The following PIGP variants were observed in gnomAD, a reference collection of about 807,000 sequenced individuals.
PIGP encodes phosphatidylinositol glycan anchor biosynthesis class P, also known as phosphatidylinositol N-acetylglucosaminyltransferase subunit P.
In PIGP, 12 loss-of-function variants were observed where a neutral mutation model predicts 16.9. That is an observed-to-expected ratio of 0.71 (90% CI 0.46 to 1.15). PIGP has a LOEUF of 1.15. PIGP is among the 50% of genes most tolerant of loss of function. The pLI is 0.00. For synonymous variants in PIGP, 57 were observed against 54.7 expected (o/e 1.04, Z -0.18); for missense variants, 159 against 153.5 (o/e 1.04, Z -0.19).
At chr21:37,065,803 G>A in intron 4 of PIGP, 91 bp from the exon 5 acceptor site, 1 of 1,068,478 alleles carries the variant, frequency 9.4e-7, no homozygotes, top group Non-Finnish European at 1.4e-6. Context: ...AGTTTACTAG[G>A]CTGACGTTTG....
In PIGP at chr21:37,065,578, C is replaced by G. The variant is rs2069886925; in HGVS notation, c.*4G>C. 1.2e-6 allele frequency: 2 copies of G among 1,612,090 alleles called. No individual in the cohort carries two copies. The highest frequency in any genetic ancestry group is 2.2e-5 in the East Asian group (1 of 44,698). On this transcript the variant is annotated 3_prime_UTR_variant, in exon 5 of 5. Coordinates refer to ENST00000360525, the MANE Select transcript of PIGP (RefSeq NM_153682.3). ...TGCTTGGTGTTACTATGGTTACACA[C>G]AGTTCAGTTTTTGGTGTAAAGTTCT...
intron 4 of PIGP, among the ~76,000 whole-genome samples, chr21:37,066,897 T>A (rs2069912356): frequency 1.3e-5 from 2 of 152,222 alleles, no homozygotes; most frequent in African/African-American, 4.8e-5. Flanking sequence ...TCATCAGAAC[T>A]TAATTCCTTC....
intron 2 of PIGP, among the ~76,000 whole-genome samples, chr21:37,071,412 G>A (rs759392191): frequency 1.4e-4 from 22 of 152,226 alleles, no homozygotes; most frequent in Middle Eastern, 6.8e-3. Context: ...TGTTTCATGC[G>A]TCATAAGCAT....
At chr21:37,066,359 T>C (rs574994011) in intron 4 of PIGP, among the ~76,000 whole-genome samples, 1 of 152,306 alleles carries the variant, frequency 6.6e-6, no homozygotes, top group African/African-American at 2.4e-5. Flanking sequence ...AATTACCTAT[T>C]TGCTGCCAAT....
At chr21:37,072,664 C>G (rs1447656885) in intron 1 of PIGP, 127 bp from the exon 2 acceptor site, 1 of 1,523,316 alleles carries the variant, frequency 6.6e-7, no homozygotes, top group African/African-American at 1.4e-5. Flanking sequence ...CCTCCGTCCG[C>G]AACCCGCGCC....
At chr21:37,072,764 G>T in intron 1 of PIGP, 1 of 635,318 alleles carries the variant, frequency 1.6e-6, no homozygotes, top group Non-Finnish European at 2.7e-6. Context: ...GGGGTTCTGG[G>T]GCGATAGACG....
intron 4 of PIGP, among the ~76,000 whole-genome samples, chr21:37,066,924 T>A (rs2069912598): frequency 2.0e-5 from 3 of 151,978 alleles, no homozygotes; most frequent in South Asian, 2.1e-4. Flanking sequence ...ATATTTCCTT[T>A]TATATAAGTT....
Position 37,072,461 on chromosome 21 carries a change from G to A in PIGP, c.55C>T (p.Leu19Phe), listed in dbSNP as rs774268734. The A allele has an allele frequency of 2.0e-5, 33 of 1,614,230 alleles. No homozygotes were observed. The South Asian group carries it at 3.2e-4, about 16-fold the overall frequency. The part of the protein sequence containing the change: ...LPERAIYGFV[L>F]FLSSQFGFIL... ...AAGCCAAATTGGGAGCTTAAGAAAAGAACAAAGCCATAAATCGCTCTTTCT... is the reference window on the plus strand; with the variant it reads ...AAGCCAAATTGGGAGCTTAAGAAAAAAACAAAGCCATAAATCGCTCTTTCT... The change falls in exon 2 of 5, where the codon CTT (leucine) becomes TTT (phenylalanine). Residue 19 changes from leucine (L) to phenylalanine (F), a missense_variant. Transcript: ENST00000360525.
rs1421354101 is a variant in PIGP, at chr21:37,065,600, T to A, written c.387A>T (p.Glu129Asp). 6.2e-7 allele frequency: 1 copy of A among 1,613,214 alleles called. No individual in the cohort carries two copies. Among genetic ancestry groups the A allele is most frequent in the Admixed American group, 1.7e-5 (1 of 59,882 alleles). ...ACACAGTTCAGTTTTTGGTGTAAAG[T>A]TCTTTGGCTGCAAGAAAGAACATTT... ...VNQMFFLAAKELYTKN is the reference protein window; with the variant it reads ...VNQMFFLAAKDLYTKN Residue 129 changes from glutamate to aspartate, a missense_variant, in exon 5 of 5, where the codon GAA (glutamate) becomes GAT (aspartate). Transcript: ENST00000360525.
intron 2 of PIGP, among the ~76,000 whole-genome samples, chr21:37,069,908 T>C (rs8127206): frequency 0.15 from 22,980 of 152,192 alleles, 1,877 homozygotes; most frequent in African/African-American, 0.19. Flanking sequence ...GTAATCCTTA[T>C]TACCTAGCAG....
chr21:37,072,920 A>C, intron 1 of PIGP, 80 bp downstream of exon 1: 1 of 265,474 alleles, frequency 3.8e-6, no homozygotes. Flanking sequence ...TCTATTTCTC[A>C]TTCGAGGCGG....
chr21:37,070,370 G>C (rs2069983155), intron 2 of PIGP, among the ~76,000 whole-genome samples: 1 of 152,186 alleles, frequency 6.6e-6, no homozygotes, highest in South Asian at 2.1e-4. Flanking sequence ...TGTATGTCAG[G>C]TGTGTGAGAC....
chr21:37,072,954 G>A lies in PIGP; in HGVS notation c.-23+46C>T, dbSNP rs921360857. ...GGGGTATGGGGGGGCCCTCGACCTC[G>A]GGTCCTTCATACGCCCACCCAGGCC... On this transcript the variant is annotated intron_variant, in intron 1 of 4. Transcript: ENST00000360525. 1.4e-5 allele frequency: 3 copies of A among 216,848 alleles called. No individual in the cohort carries two copies. The East Asian group carries it at 3.6e-4, about 26-fold the overall frequency. The allele number at this position is 216,848 out of a possible 1,614,324, so 13.4% of individuals were successfully genotyped here.
intron 3 of PIGP, among the ~76,000 whole-genome samples, chr21:37,068,409 T>C (rs2069943501): frequency 6.6e-6 from 1 of 152,136 alleles, no homozygotes; most frequent in Non-Finnish European, 1.5e-5. Flanking sequence ...AATACAGTAA[T>C]TTCCTGTTTG....
At chr21:37,067,160 C>T (rs2069919407) in intron 4 of PIGP, 102 bp downstream of exon 4, 1 of 709,464 alleles carries the variant, frequency 1.4e-6, no homozygotes, top group Admixed American at 2.2e-5. Context: ...ACGCGCACCA[C>T]CAACATGGGT....
At chr21:37,072,055 G>C (rs934549460) in intron 2 of PIGP, 2 of 783,128 alleles carry the variant, frequency 2.6e-6, no homozygotes, top group African/African-American at 3.4e-5. Context: ...AAAGGCCTCT[G>C]TAGAAAGCCT....
intron 3 of PIGP, among the ~76,000 whole-genome samples, chr21:37,068,118 C>A (rs1388692452): frequency 6.6e-6 from 1 of 151,632 alleles, no homozygotes; most frequent in Non-Finnish European, 1.5e-5. Context: ...TTCAGCCCTG[C>A]AAGTAGCTGG....
chr21:37,072,716 C>T, intron 1 of PIGP, 179 bp from the exon 2 acceptor site: 1 of 976,692 alleles, frequency 1.0e-6, no homozygotes, highest in East Asian at 2.4e-5. Flanking sequence ...GGCGCGCGCC[C>T]CGCAACAGAA....
At chr21:37,065,748 G>C in intron 4 of PIGP, 36 bp from the exon 5 acceptor site, 1 of 1,601,180 alleles carries the variant, frequency 6.2e-7, no homozygotes, top group South Asian at 1.1e-5. Context: ...GTTTACCTAA[G>C]CAATTTCTTC....
Sources: gnomAD v4.1 joint callset for allele counts (sites outside exome capture counted in the v4.1 genomes callset) on GRCh38, gnomAD v4.1.1 for gene constraint, MANE v1.5 for transcripts, NCBI Gene and HGNC (gene_info 2026-07-23, HGNC 2026-07-21) for gene names.